The following PCDHGB3 variants were observed in gnomAD, a reference collection of about 807,000 sequenced individuals.
PCDHGB3 encodes the protein protocadherin gamma-B3.
PCDHGB3 carries 40 observed loss-of-function variants against 59.2 expected under a neutral mutation model. The ratio of observed to expected loss-of-function variants is 0.68; its 90% CI spans 0.52 to 0.88. The LOEUF (loss-of-function observed/expected upper bound fraction) is 0.88, where lower values mean the gene tolerates loss of function less well. PCDHGB3 is among the 40% of genes least tolerant of loss of function. The pLI is 0.00. For missense variants in PCDHGB3, 1,309 were observed against 1,187.9 expected, an observed-to-expected ratio of 1.10 and a Z score of -1.50; for synonymous variants, 581 against 503.6, an observed-to-expected ratio of 1.15 and a Z score of -2.06.
At chr5:141,373,965 G>T in intron 1 of PCDHGB3, 2 of 971,546 alleles carry the variant, frequency 2.1e-6, no homozygotes, top group East Asian at 2.9e-5. Context: ...GACCTGAAAC[G>T]CTTCGCATCC....
chr5:141,468,815 A>G (rs866523229), intron 1 of PCDHGB3, among the ~76,000 whole-genome samples: 7 of 151,958 alleles, frequency 4.6e-5, no homozygotes, highest in Middle Eastern at 3.4e-3. Context: ...GCAGTGAGCC[A>G]AGATCAAGCC....
chr5:141,439,150 G>A (rs971023726), intron 1 of PCDHGB3, among the ~76,000 whole-genome samples: 7 of 149,122 alleles, frequency 4.7e-5, no homozygotes, highest in South Asian at 2.1e-4. Flanking sequence ...CTGAGATCAC[G>A]CCACTGCACT....
chr5:141,493,140 C>T lies in PCDHGB3; in HGVS notation c.2416-1667C>T, dbSNP rs2099746336. Among the ~76,000 whole-genome samples, 1 of 146,374 alleles carries T rather than the reference C, an allele frequency of 6.8e-6. No homozygotes were observed. Among genetic ancestry groups the T allele is most frequent in the African/African-American group, 2.5e-5 (1 of 40,746 alleles). ...GCTCCTAGGACTGTATTTTGAAACACCCCCAGGTGATTTTGATAGCTGATT... is the reference window on the plus strand; with the variant it reads ...GCTCCTAGGACTGTATTTTGAAACATCCCCAGGTGATTTTGATAGCTGATT... On this transcript the variant is annotated intron_variant, in intron 1 of 3. Transcript: ENST00000576222. This position sits in a 1 kb window ranked among gnomAD's most constrained non-coding sequence, Gnocchi z 4.3.
chr5:141,468,330 CAA>C lies in PCDHGB3; in HGVS notation c.2416-26459_2416-26458del, dbSNP rs533390277. 202 of 79,822 alleles carry C rather than the reference CAA, an allele frequency of 2.5e-3. 2 individuals are homozygous for C. The highest frequency in any genetic ancestry group is 7.9e-3 in the Middle Eastern group (1 of 126). The allele number at this position is 79,822 out of a possible 1,614,324, so 4.9% of individuals were successfully genotyped here. Reference sequence around the variant, plus strand: ...ACAAGAGCAACGGTAAACTCCATCTCAAAAAAAAAAAAAAAAAAAGAAAGAAA... The same window carrying C: ...ACAAGAGCAACGGTAAACTCCATCTCAAAAAAAAAAAAAAAAAGAAAGAAA... On this transcript the variant is annotated intron_variant, in intron 1 of 3. Transcript: ENST00000576222.
chr5:141,413,224 C>G, intron 1 of PCDHGB3: 1 of 1,613,790 alleles, frequency 6.2e-7, no homozygotes, highest in Non-Finnish European at 8.5e-7. Context: ...TTGCAGCGGG[C>G]TGGTCCTGCT....
rs190948188 is a variant in PCDHGB3 at position 141,505,972 on chromosome 5, C to T, written c.2563+491C>T. Among the ~76,000 whole-genome samples the T allele has an allele frequency of 5.4e-4, 82 of 152,250 alleles. 1 individual carries two copies. The highest frequency in any genetic ancestry group is 1.9e-3 in the African/African-American group (79 of 41,558). ...GAAAGTGGGTGTAGAAATCCCCAGC[C>T]GAGAGAACACCTCCTCTTTATGCGA... On this transcript the variant is annotated intron_variant, in intron 3 of 3. Transcript: ENST00000576222.
chr5:141,372,348 C>A lies in PCDHGB3; in HGVS notation c.1954C>A (p.Gln652Lys). The change falls in exon 1 of 4, where the codon CAG (glutamine) becomes AAG (lysine). Residue 652 changes from glutamine to lysine, a missense_variant. Transcript: ENST00000576222. ...GGTCACTGTGCGTGATGGAGGACAGCAGCCTCTTTCAGCCACCGTCATGCT... is the reference window on the plus strand; with the variant it reads ...GGTCACTGTGCGTGATGGAGGACAGAAGCCTCTTTCAGCCACCGTCATGCT... ...LLVTVRDGGQ[Q>K]PLSATVMLHL... is the part of the protein sequence containing the mutation. The A allele has an allele frequency of 6.2e-7, 1 of 1,613,852 alleles. No homozygotes were observed. The highest frequency in any genetic ancestry group is 1.6e-4 in the Middle Eastern group (1 of 6,062).
chr5:141,385,246 G>A (rs1285071081), intron 1 of PCDHGB3: 1 of 1,614,084 alleles, frequency 6.2e-7, no homozygotes, highest in Non-Finnish European at 8.5e-7. Context: ...CATCAGCCAG[G>A]AGAGCTGTGA....
rs1594951324 is a variant in PCDHGB3, at chr5:141,490,871, T to G, written c.2416-3936T>G. 6.2e-7 allele frequency: 1 copy of G among 1,613,918 alleles called. No individual in the cohort carries two copies. The highest frequency in any genetic ancestry group is 8.5e-7 in the Non-Finnish European group (1 of 1,179,944). On this transcript the variant is annotated intron_variant, in intron 1 of 3. Coordinates refer to ENST00000576222, the MANE Select transcript of PCDHGB3 (RefSeq NM_018924.5). This position sits in a 1 kb window ranked among gnomAD's most constrained non-coding sequence, Gnocchi z 5.4. ...GTTCGAGACTCCGGCTCTCCCCCAT[T>G]GCATGCCAACACATCTCTGCATGTG...
chr5:141,417,839 C>A, intron 1 of PCDHGB3: 1 of 1,534,218 alleles, frequency 6.5e-7, no homozygotes, highest in South Asian at 1.2e-5. Flanking sequence ...AGCGGGGACC[C>A]AGCGAGAACC....
chr5:141,374,065 A>G (rs776038796), intron 1 of PCDHGB3: 1 of 1,497,724 alleles, frequency 6.7e-7, no homozygotes, highest in Non-Finnish European at 8.9e-7. Flanking sequence ...ATCCCAGAGA[A>G]GTTCCTAATA....
In PCDHGB3 at chr5:141,487,072, T is replaced by C. The variant is rs754589618; in HGVS notation, c.2416-7735T>C. On this transcript the variant is annotated intron_variant, in intron 1 of 3. Coordinates refer to ENST00000576222, the MANE Select transcript of PCDHGB3 (RefSeq NM_018924.5). This position sits in a 1 kb window ranked among gnomAD's most constrained non-coding sequence, Gnocchi z 5.0. ...CTGGGGAGGTGCGGACGGCTGTTCCTATCCCAGCTGACCTCCCACCACAGA... is the reference window on the plus strand; with the variant it reads ...CTGGGGAGGTGCGGACGGCTGTTCCCATCCCAGCTGACCTCCCACCACAGA... 8.1e-6 allele frequency: 13 copies of C among 1,614,010 alleles called. No homozygotes were observed. Among genetic ancestry groups the C allele is most frequent in the Non-Finnish European group, 1.1e-5 (13 of 1,179,966 alleles).
rs201155008 is a variant in PCDHGB3, at chr5:141,370,872, C to T, written c.478C>T (p.Pro160Ser). Residue 160 changes from proline (P) to serine (S), a missense_variant, in exon 1 of 4, where the codon CCT becomes TCT. Coordinates refer to ENST00000576222, the MANE Select transcript of PCDHGB3 (RefSeq NM_018924.5). ...ATFALESAQD[P>S]DVGVNSLQQY... Reference sequence around the variant, plus strand: ...ATTTGCCCTGGAATCTGCGCAAGATCCTGATGTAGGTGTCAATTCGCTGCA... The same window carrying T: ...ATTTGCCCTGGAATCTGCGCAAGATTCTGATGTAGGTGTCAATTCGCTGCA... 244 of 1,613,896 alleles carry T rather than the reference C, an allele frequency of 1.5e-4. No homozygotes were observed. Among genetic ancestry groups the T allele is most frequent in the Non-Finnish European group, 1.9e-4 (223 of 1,179,904 alleles).
intron 1 of PCDHGB3, chr5:141,399,433 C>T (rs1485508239): frequency 1.9e-6 from 3 of 1,613,892 alleles, no homozygotes; most frequent in Non-Finnish European, 2.5e-6. Flanking sequence ...AAGCGTCATC[C>T]TACATATCAG....
intron 1 of PCDHGB3, among the ~76,000 whole-genome samples, chr5:141,459,724 T>C (rs1440632046): frequency 6.6e-6 from 1 of 152,250 alleles, no homozygotes; most frequent in Non-Finnish European, 1.5e-5. Context: ...TGCTTCCTAT[T>C]GTCAATTTTT....
In PCDHGB3 at chr5:141,432,808, C is replaced by G. The variant is rs1473886709; in HGVS notation, c.2415+59999C>G. ...TCGGCAGCCTCGAGTCTCCAGCTAA[C>G]TCTGAAACCTCAGACCTCACTCTGT... is the stretch of plus-strand genomic sequence containing the variant. On this transcript the variant is annotated intron_variant, in intron 1 of 3. Coordinates refer to ENST00000576222, the MANE Select transcript of PCDHGB3 (RefSeq NM_018924.5). This position sits in a 1 kb window ranked among gnomAD's most constrained non-coding sequence, Gnocchi z 6.0. 2 of 1,613,486 alleles carry G rather than the reference C, an allele frequency of 1.2e-6. No individual in the cohort carries two copies. Among genetic ancestry groups the G allele is most frequent in the Non-Finnish European group, 1.7e-6 (2 of 1,180,008 alleles).
At chr5:141,389,245 C>A (rs755580542) in intron 1 of PCDHGB3, 6 of 1,613,950 alleles carry the variant, frequency 3.7e-6, no homozygotes, top group Non-Finnish European at 5.1e-6. Context: ...TCACAGTCTT[C>A]CTATATAGTC....
At chr5:141,374,703 T>C in intron 1 of PCDHGB3, 1 of 1,609,272 alleles carries the variant, frequency 6.2e-7, no homozygotes, top group Non-Finnish European at 8.5e-7. Flanking sequence ...GGAGAAGCCG[T>C]TTACCGCCTG....
chr5:141,512,241 G>A lies in PCDHGB3; in HGVS notation c.*1068G>A, dbSNP rs533051658. On this transcript the variant is annotated 3_prime_UTR_variant, in exon 4 of 4. Coordinates refer to ENST00000576222, the MANE Select transcript of PCDHGB3 (RefSeq NM_018924.5). ...CCAGGTCCCCTTGAGAGGTCAGAGGGGCCTCTGTGGGTGCTGGGTACTCCA... is the reference window on the plus strand; with the variant it reads ...CCAGGTCCCCTTGAGAGGTCAGAGGAGCCTCTGTGGGTGCTGGGTACTCCA... 1 of 152,866 alleles carries A rather than the reference G, an allele frequency of 6.5e-6. No individual in the cohort carries two copies. The highest frequency in any genetic ancestry group is 2.1e-4 in the South Asian group (1 of 4,824). 9.5% of individuals were successfully genotyped at this position (152,866 alleles called of 1,614,324 possible).
Sources: gnomAD v4.1 joint callset for allele counts (sites outside exome capture counted in the v4.1 genomes callset) on GRCh38, gnomAD v4.1.1 for gene constraint, Gnocchi (gnomAD v3.1) non-coding constraint, MANE v1.5 for transcripts, NCBI Gene and HGNC (gene_info 2026-07-23, HGNC 2026-07-21) for gene names.